CUX1: variants seen among roughly 807,000 people sequenced by gnomAD.
CUX1 encodes protein CASP.
Under a neutral mutation model 158.8 loss-of-function variants are expected in CUX1, and 31 were observed. The observed-to-expected ratio is 0.20, with a 90% confidence interval of 0.15 to 0.26. CUX1 has a LOEUF of 0.26. Ranked by LOEUF, CUX1 falls within the 10% of genes least tolerant of loss-of-function variation. The pLI is 1.00. For synonymous variants in CUX1, 879 were observed against 862.1 expected (o/e 1.02, Z -0.34); for missense variants, 1,589 against 2,014.6 (o/e 0.79, Z 4.04).
At chr7:101,862,584 C>A (rs1040576538) in intron 1 of CUX1, among the ~76,000 whole-genome samples, 18 of 152,090 alleles carry the variant, frequency 1.2e-4, no homozygotes, top group African/African-American at 3.4e-4. Context: ...CTCTGACTTG[C>A]CTATAAAAAG....
At chr7:102,035,199 G>A (rs112044736) in intron 3 of CUX1, among the ~76,000 whole-genome samples, 4 of 152,072 alleles carry the variant, frequency 2.6e-5, no homozygotes, top group African/African-American at 9.6e-5. Context: ...ATAAAGTACA[G>A]ATAGCTCTTG....
rs909697670 is a variant in CUX1 at position 101,941,723 on chromosome 7, G to A, written c.141+25498G>A. Among the ~76,000 whole-genome samples the A allele has an allele frequency of 4.6e-5, 7 of 152,172 alleles. No homozygotes were observed. The East Asian group carries it at 5.8e-4, about 13-fold the overall frequency. On this transcript the variant is annotated intron_variant, in intron 2 of 23. Coordinates refer to ENST00000292535, the MANE Select transcript of CUX1 (RefSeq NM_181552.4). ...CAGGCTGGGATCACAGATCAGGAGC[G>A]AAGGCTTTATGATATTAACTAGTCA...
At chr7:101,976,808 A>G (rs1372466031) in intron 2 of CUX1, among the ~76,000 whole-genome samples, 1 of 151,980 alleles carries the variant, frequency 6.6e-6, no homozygotes, top group Non-Finnish European at 1.5e-5. Context: ...CAGGGGAAAC[A>G]AAAGTAGCTC....
chr7:102,178,528 G>C lies in CUX1; in HGVS notation c.888G>C (p.Glu296Asp), dbSNP rs782801030. 8 of 1,613,518 alleles carry C rather than the reference G, an allele frequency of 5.0e-6. No homozygotes were observed. The Admixed American group carries it at 1.3e-4, about 27-fold the overall frequency. Residue 296 changes from glutamate to aspartate, a missense_variant, in exon 11 of 24, where the codon GAG (glutamate) becomes GAC (aspartate). Coordinates refer to ENST00000292535, the MANE Select transcript of CUX1 (RefSeq NM_181552.4). ...SSLEVELAAK[E>D]REIAQLVEDV... ...TAGAAGTTGAGTTGGCCGCCAAGGA[G>C]CGGGAGATCGCACAGCTGGTGGAGG... is the stretch of plus-strand genomic sequence containing the variant.
At chr7:102,100,788 A>G (rs1334925691) in intron 5 of CUX1, among the ~76,000 whole-genome samples, 3 of 142,462 alleles carry the variant, frequency 2.1e-5, no homozygotes, top group African/African-American at 8.2e-5. Flanking sequence ...ACAACATAAC[A>G]AGACCTATCT....
exon 23 of CUX1, chr7:102,283,497 C>T (rs188776036): frequency 3.0e-5 from 6 of 197,584 alleles, no homozygotes; most frequent in Middle Eastern, 2.2e-3. Flanking sequence ...TCCTAGGATC[C>T]CCCCATGCCC....
At chr7:102,044,182 C>T (rs994984597) in intron 3 of CUX1, among the ~76,000 whole-genome samples, 1 of 148,390 alleles carries the variant, frequency 6.7e-6, no homozygotes. Flanking sequence ...GCCCATTTTC[C>T]GTTTTTTTGT....
chr7:102,072,292 G>A (rs1826215869), intron 4 of CUX1, among the ~76,000 whole-genome samples: 1 of 152,216 alleles, frequency 6.6e-6, no homozygotes, highest in Non-Finnish European at 1.5e-5. Context: ...CCATGTAAAT[G>A]AAGTGGTGGC....
chr7:102,004,234 G>A (rs1817056996), intron 2 of CUX1, among the ~76,000 whole-genome samples: 1 of 152,128 alleles, frequency 6.6e-6, no homozygotes, highest in Admixed American at 6.6e-5. Flanking sequence ...CTTCCTTACG[G>A]GTCCACACAC....
chr7:102,231,761 T>A (rs1214753423), intron 21 of CUX1, among the ~76,000 whole-genome samples: 1 of 150,898 alleles, frequency 6.6e-6, no homozygotes, highest in Non-Finnish European at 1.5e-5. Context: ...TCACCCAGGC[T>A]GGAGTGCAGT....
In CUX1 at chr7:101,949,116, A is replaced by G. The variant is rs1326775520; in HGVS notation, c.141+32891A>G. On this transcript the variant is annotated intron_variant, in intron 2 of 23. Transcript: ENST00000292535. ...GTTCTTCTCCCACAGATTGTTTGAC[A>G]AACATTGGTCATTATTATTATTATT... Among the ~76,000 whole-genome samples, 5 of 152,284 alleles carry G rather than the reference A, an allele frequency of 3.3e-5. No individual in the cohort carries two copies. The East Asian group carries it at 9.6e-4, about 29-fold the overall frequency.
intron 20 of CUX1, among the ~76,000 whole-genome samples, chr7:102,225,783 A>G (rs1253395688): frequency 6.6e-6 from 1 of 152,206 alleles, no homozygotes; most frequent in Non-Finnish European, 1.5e-5. Flanking sequence ...TGAGCACAGG[A>G]TTTTGAATCA....
chr7:102,282,578 T>G (rs1158589460), intron 21 of CUX1: 19 of 798,410 alleles, frequency 2.4e-5, no homozygotes, highest in Middle Eastern at 3.2e-4. Context: ...TGCAGGAACA[T>G]GTCTAAGACC....
intron 3 of CUX1, among the ~76,000 whole-genome samples, chr7:102,032,561 T>C (rs1820918266): frequency 6.6e-6 from 1 of 151,938 alleles, no homozygotes; most frequent in South Asian, 2.1e-4. Flanking sequence ...CACAGCTACC[T>C]GGGAGGCTGA....
At chr7:102,283,092 AC>A in exon 23 of CUX1, 4 of 1,612,662 alleles carry the variant, frequency 2.5e-6, no homozygotes, top group Non-Finnish European at 3.4e-6. Context: ...TGGCAGTGAT[AC>A]CCCGGGGCCT....
intron 11 of CUX1, chr7:102,188,965 A>T (rs1371140354): frequency 6.6e-6 from 1 of 152,110 alleles, no homozygotes; most frequent in Non-Finnish European, 1.5e-5. Flanking sequence ...CCTGAGAGGG[A>T]GCAGCATCTC....
chr7:101,866,904 G>A (rs1240185387), intron 1 of CUX1, among the ~76,000 whole-genome samples: 6 of 152,152 alleles, frequency 3.9e-5, no homozygotes, highest in Non-Finnish European at 2.9e-5. Flanking sequence ...ATAGGAATAA[G>A]AAGTTTCAAA....
chr7:102,015,307 A>G (rs1036609258), intron 2 of CUX1, among the ~76,000 whole-genome samples: 1 of 152,062 alleles, frequency 6.6e-6, no homozygotes, highest in Admixed American at 6.6e-5. Flanking sequence ...GGCTCACTGC[A>G]ACCTCCGCCT....
chr7:102,280,715 C>T, intron 19 of CUX1: 2 of 1,367,334 alleles, frequency 1.5e-6, no homozygotes, highest in Non-Finnish European at 2.1e-6. Context: ...GGCAGGGTGT[C>T]CTGTGGCTGG....
Sources: gnomAD v4.1 joint callset for allele counts (sites outside exome capture counted in the v4.1 genomes callset) on GRCh38, gnomAD v4.1.1 for gene constraint, MANE v1.5 for transcripts, NCBI Gene and HGNC (gene_info 2026-07-23, HGNC 2026-07-21) for gene names.